Variants in GPA33 observed in about 807,000 individuals in gnomAD.
GPA33 encodes the protein glycoprotein A33, also known as cell surface A33 antigen.
Under a neutral mutation model 35.6 loss-of-function variants are expected in GPA33, and 27 were observed. The observed-to-expected ratio is 0.76, with a 90% CI of 0.56 to 1.04. GPA33 has a LOEUF of 1.04. Ranked by LOEUF, GPA33 falls within the 50% of genes least tolerant of loss-of-function variation. The pLI, the probability that GPA33 is intolerant of heterozygous loss-of-function variation, is 0.00. For missense variants in GPA33, 428 were observed against 411.9 expected (o/e 1.04, Z -0.34); for synonymous variants, 176 against 164.0 (o/e 1.07, Z -0.56).
intron 1 of GPA33, among the ~76,000 whole-genome samples, chr1:167,089,089 T>TGA (rs1667108479): frequency 6.6e-6 from 1 of 152,230 alleles, no homozygotes. Context: ...TCAGATGAAC[T>TGA]TGAGCCAGCC....
rs769553184 is a variant in GPA33, at chr1:167,069,101, T to C, written c.236A>G (p.Tyr79Cys). ...ATTCTTATAAAGCTCACCATGGATG[T>C]AGTTTTTGTTTGAAAACGGCCAGAT... ...VVIWPFSNKN[Y>C]IHGELYKNRV... Residue 79 changes from tyrosine (Y) to cysteine (C), a missense_variant, in exon 3 of 7, where the codon TAC (tyrosine) becomes TGC (cysteine). Transcript: ENST00000367868. 49 of 1,613,880 alleles carry C rather than the reference T, an allele frequency of 3.0e-5. No individual in the cohort carries two copies. Among genetic ancestry groups the C allele is most frequent in the Non-Finnish European group, 3.7e-5 (44 of 1,179,894 alleles).
intron 4 of GPA33, among the ~76,000 whole-genome samples, chr1:167,059,103 G>A (rs1446435888): frequency 6.6e-6 from 1 of 152,126 alleles, no homozygotes; most frequent in Non-Finnish European, 1.5e-5. Flanking sequence ...GCCTTGTTTA[G>A]GGTGGGGAAC....
intron 4 of GPA33, among the ~76,000 whole-genome samples, chr1:167,058,821 A>G (rs1432201867): frequency 2.0e-5 from 3 of 152,204 alleles, no homozygotes; most frequent in Non-Finnish European, 4.4e-5. Context: ...AGCTCCTACA[A>G]TGCTGTTGAG....
intron 3 of GPA33, among the ~76,000 whole-genome samples, chr1:167,067,672 G>C (rs919186032): frequency 6.6e-6 from 1 of 152,186 alleles, no homozygotes; most frequent in African/African-American, 2.4e-5. Context: ...TTAACAGCCT[G>C]AATATTCATC....
At chr1:167,072,220 C>A (rs1666735770) in intron 2 of GPA33, among the ~76,000 whole-genome samples, 1 of 152,192 alleles carries the variant, frequency 6.6e-6, no homozygotes, top group Non-Finnish European at 1.5e-5. Flanking sequence ...AGTCTTTCCA[C>A]TCTAAGTGGT....
At chr1:167,054,931 A>G in intron 6 of GPA33, 45 bp downstream of exon 6, 2 of 1,605,302 alleles carry the variant, frequency 1.2e-6, no homozygotes, top group Non-Finnish European at 1.7e-6. Flanking sequence ...GCATATTTCC[A>G]GTCTCCCCAG....
At chr1:167,072,980 C>A (rs1666749976) in intron 2 of GPA33, among the ~76,000 whole-genome samples, 2 of 149,084 alleles carry the variant, frequency 1.3e-5, no homozygotes, top group South Asian at 2.2e-4. Flanking sequence ...ATTTTCAAAC[C>A]ATGAGATTAT....
intron 4 of GPA33, among the ~76,000 whole-genome samples, chr1:167,059,818 G>A (rs1397167330): frequency 6.6e-6 from 1 of 152,168 alleles, no homozygotes; most frequent in Non-Finnish European, 1.5e-5. Context: ...GTGACTCACA[G>A]CTCCAAAGTG....
At position 167,090,271 on chromosome 1, in the gene GPA33, C is replaced by T; in HGVS notation, c.17G>A (p.Trp6Ter). The T allele has an allele frequency of 1.2e-6, 2 of 1,613,748 alleles. No homozygotes were observed. Among genetic ancestry groups the T allele is most frequent in the Non-Finnish European group, 1.7e-6 (2 of 1,179,656 alleles). MVGKM[W>*]PVLWTLCAVR... ...TGCACAGAGTGTCCACAACACAGGC[C>T]ACATCTTCCCCACCATGGTCTTGCT... Residue 6 changes from tryptophan to a stop codon, truncating the protein, a stop_gained, in exon 1 of 7, where the codon TGG becomes TAG. Transcript: ENST00000367868. LOFTEE classifies it high-confidence loss of function.
intron 4 of GPA33, among the ~76,000 whole-genome samples, chr1:167,060,264 G>A (rs1048697650): frequency 2.0e-4 from 31 of 152,044 alleles, no homozygotes; most frequent in African/African-American, 7.2e-4. Flanking sequence ...GTAGAGACAG[G>A]GTTTCACCAT....
At chr1:167,063,769 G>C in intron 3 of GPA33, 32 bp from the exon 4 acceptor site, 1 of 1,597,368 alleles carries the variant, frequency 6.3e-7, no homozygotes, top group Non-Finnish European at 8.6e-7. Flanking sequence ...GAGAAGGCAT[G>C]AGGCAGGTGG....
At position 167,068,930 on chromosome 1, in the gene GPA33, A is replaced by C; in HGVS notation, c.407T>G (p.Leu136Trp). The part of the protein sequence containing the change: ...EGNTKSRVRL[L>W]VLVPPSKPEC... ...GACATGAAGACACTCACCGAGGACC[A>C]ACAGGCGGACACGTGACTTGGTGTT... The change falls in exon 3 of 7, where the codon TTG becomes TGG. Residue 136 changes from leucine to tryptophan, a missense_variant. Coordinates refer to ENST00000367868, the MANE Select transcript of GPA33 (RefSeq NM_005814.3). 6.2e-7 allele frequency: 1 copy of C among 1,612,312 alleles called. No individual in the cohort carries two copies. Among genetic ancestry groups the C allele is most frequent in the Non-Finnish European group, 8.5e-7 (1 of 1,179,468 alleles).
chr1:167,068,082 A>C (rs945532154), intron 3 of GPA33, among the ~76,000 whole-genome samples: 1 of 151,964 alleles, frequency 6.6e-6, no homozygotes. Context: ...ATTATTAATT[A>C]AATTAAATTT....
chr1:167,079,899 T>C (rs992428553), intron 1 of GPA33, among the ~76,000 whole-genome samples: 1 of 152,230 alleles, frequency 6.6e-6, no homozygotes, highest in Non-Finnish European at 1.5e-5. Context: ...TTATTAGCAC[T>C]GCATCCCTCA....
chr1:167,077,439 G>C (rs1364914224), intron 1 of GPA33, among the ~76,000 whole-genome samples: 1 of 152,134 alleles, frequency 6.6e-6, no homozygotes, highest in African/African-American at 2.4e-5. Context: ...TTTCCCTGGA[G>C]CGCTGTCCTC....
At chr1:167,063,403 C>CT (rs1223370106) in intron 4 of GPA33, among the ~76,000 whole-genome samples, 179 bp downstream of exon 4, 1 of 152,174 alleles carries the variant, frequency 6.6e-6, no homozygotes, top group Non-Finnish European at 1.5e-5. Context: ...TGGCGAGACT[C>CT]TGTCTAAAAA....
chr1:167,055,585 G>T, intron 5 of GPA33, 145 bp downstream of exon 5: 1 of 846,298 alleles, frequency 1.2e-6, no homozygotes, highest in Non-Finnish European at 1.9e-6. Context: ...GAGTCATCCT[G>T]CCTAGGTCAC....
intron 4 of GPA33, among the ~76,000 whole-genome samples, chr1:167,057,415 C>G (rs1666331026): frequency 6.6e-6 from 1 of 152,272 alleles, no homozygotes; most frequent in South Asian, 2.1e-4. Flanking sequence ...CTTGCCTGAT[C>G]CCTGCTGCCA....
intron 4 of GPA33, among the ~76,000 whole-genome samples, chr1:167,059,067 TGTCAGA>T (rs1239006023): frequency 6.6e-6 from 1 of 152,174 alleles, no homozygotes; most frequent in Non-Finnish European, 1.5e-5. Context: ...CTTTTTTAGT[TGTCAGA>T]GTCCAGCTTT....
Sources: allele counts gnomAD v4.1 joint callset (sites outside exome capture counted in the v4.1 genomes callset), GRCh38; gene constraint gnomAD v4.1.1; transcripts MANE v1.5; gene names NCBI Gene and HGNC (gene_info 2026-07-23, HGNC 2026-07-21).